The following FXR1 variants were observed in gnomAD, a reference collection of about 807,000 sequenced individuals.
FXR1 encodes the protein RNA-binding protein FXR1.
FXR1 carries 15 observed loss-of-function variants against 84.0 expected under a neutral mutation model. That is an observed-to-expected ratio of 0.18 (90% CI 0.12 to 0.27). FXR1 has a LOEUF of 0.27. Among genes scored for constraint, FXR1 ranks in the 10% least tolerant of loss-of-function variants. The pLI is 1.00. For missense variants in FXR1, 480 were observed against 774.4 expected, an observed-to-expected ratio of 0.62 and a Z score of 4.51; for synonymous variants, 245 against 250.7, an observed-to-expected ratio of 0.98 and a Z score of 0.21.
intron 1 of FXR1, among the ~76,000 whole-genome samples, chr3:180,924,478 A>T (rs1342020598): frequency 6.6e-6 from 1 of 152,172 alleles, no homozygotes; most frequent in Non-Finnish European, 1.5e-5. Flanking sequence ...TGTTAAATGG[A>T]TCATGCTGTG....
At chr3:180,930,623 C>T (rs896240601) in intron 1 of FXR1, among the ~76,000 whole-genome samples, 1 of 152,152 alleles carries the variant, frequency 6.6e-6, no homozygotes. Context: ...AGATGCTTTA[C>T]TAATATTCAT....
chr3:180,933,487 T>G, intron 2 of FXR1, 101 bp downstream of exon 2: 1 of 718,718 alleles, frequency 1.4e-6, no homozygotes, highest in Admixed American at 2.3e-5. Flanking sequence ...TGATTTTGCT[T>G]TTAGGGAGTG....
At chr3:180,949,104 G>A in intron 6 of FXR1, 123 bp from the exon 7 acceptor site, 5 of 732,266 alleles carry the variant, frequency 6.8e-6, no homozygotes, top group Non-Finnish European at 1.3e-5. Context: ...AGAGTAGTGA[G>A]TGTTAGGTGA....
rs1196733195 is a variant in FXR1 at position 180,930,261 on chromosome 3, CAAAA to C, written c.52-3064_52-3061del. Among the ~76,000 whole-genome samples, 11 of 125,088 alleles carry C rather than the reference CAAAA, an allele frequency of 8.8e-5. No homozygotes were observed. The South Asian group carries it at 2.5e-3, about 28-fold the overall frequency. 82.1% of individuals were successfully genotyped at this position (125,088 alleles called of 152,430 possible). ...CTGGCAACAGAGTGAGACTCCATCT[CAAAA>C]AAAAAAAAGAAAGTAGTTGTACAGA... On this transcript the variant is annotated intron_variant, in intron 1 of 16. Transcript: ENST00000357559.
At chr3:180,925,967 A>G (rs1422304979) in intron 1 of FXR1, among the ~76,000 whole-genome samples, 3 of 152,150 alleles carry the variant, frequency 2.0e-5, no homozygotes, top group Non-Finnish European at 4.4e-5. Flanking sequence ...CAGAGGAAAG[A>G]CCCTTCACTA....
intron 3 of FXR1, among the ~76,000 whole-genome samples, chr3:180,944,343 CAG>C (rs1381735388): frequency 6.7e-6 from 1 of 149,034 alleles, no homozygotes; most frequent in Admixed American, 6.7e-5. Flanking sequence ...TTTTTTGAGA[CAG>C]GGTCTCGCTC....
At chr3:180,956,219 C>A (rs1011520147) in intron 9 of FXR1, among the ~76,000 whole-genome samples, 1 of 152,160 alleles carries the variant, frequency 6.6e-6, no homozygotes, top group African/African-American at 2.4e-5. Flanking sequence ...GGAAAAATAT[C>A]TGAACGTTGA....
chr3:180,977,095 GGTT>G lies in FXR1; in HGVS notation c.*807_*809del, dbSNP rs570962906. On this transcript the variant is annotated 3_prime_UTR_variant, in exon 17 of 17. Coordinates refer to ENST00000357559, the MANE Select transcript of FXR1 (RefSeq NM_005087.4). ...TTTTCCTTTTTTTTTTTTTTATTTC[GGTT>G]GTTTGATGTGCAATATGTTTTTGTA... 1.1e-3 allele frequency: 158 copies of G among 143,736 alleles called. 1 individual carries two copies. The highest frequency in any genetic ancestry group is 4.0e-3 in the African/African-American group (153 of 38,172). 8.9% of individuals were successfully genotyped at this position (143,736 alleles called of 1,614,324 possible).
chr3:180,946,270 C>T (rs1347062707), intron 3 of FXR1, among the ~76,000 whole-genome samples: 1 of 152,144 alleles, frequency 6.6e-6, no homozygotes, highest in African/African-American at 2.4e-5. Context: ...TAGGTGATGC[C>T]ATCATTCCTC....
At chr3:180,915,475 A>G in intron 1 of FXR1, 5 of 1,436,862 alleles carry the variant, frequency 3.5e-6, no homozygotes, top group Non-Finnish European at 4.7e-6. Flanking sequence ...CGTAGAAGCA[A>G]TTTAATTTTA....
rs1714446273 is a variant in FXR1 at position 180,978,693 on chromosome 3, C to CGT, written c.*2401_*2402insGT. 1 of 152,002 alleles carries CGT rather than the reference C, an allele frequency of 6.6e-6. No individual in the cohort carries two copies. Among genetic ancestry groups the CGT allele is most frequent in the Non-Finnish European group, 1.5e-5 (1 of 67,976 alleles). The allele number at this position is 152,002 out of a possible 1,614,324, so 9.4% of individuals were successfully genotyped here. On this transcript the variant is annotated 3_prime_UTR_variant, in exon 17 of 17. Coordinates refer to ENST00000357559, the MANE Select transcript of FXR1 (RefSeq NM_005087.4). ...TGAACTCAGTTCTGGGCCACTGAGA[C>CGT]CCTCTTTAAAGAGAAGGAAAAAAAG...
intron 9 of FXR1, among the ~76,000 whole-genome samples, chr3:180,956,802 C>A (rs1359586798): frequency 1.3e-5 from 2 of 151,976 alleles, no homozygotes; most frequent in African/African-American, 4.8e-5. Flanking sequence ...CATTATAGTC[C>A]TTTTATTGTA....
chr3:180,931,739 GTTT>G (rs5854881), intron 1 of FXR1, among the ~76,000 whole-genome samples: 3 of 101,418 alleles, frequency 3.0e-5, no homozygotes, highest in Admixed American at 1.2e-4. Flanking sequence ...GTTGTTGTGG[GTTT>G]TTTTTTTTTT....
At chr3:180,914,780 A>G in intron 1 of FXR1, 1 of 979,384 alleles carries the variant, frequency 1.0e-6, no homozygotes, top group Non-Finnish European at 1.2e-6. Flanking sequence ...TTTGCCTCAC[A>G]AAGTGAGTTG....
At chr3:180,937,140 A>G (rs917577584) in intron 3 of FXR1, among the ~76,000 whole-genome samples, 6 of 152,100 alleles carry the variant, frequency 3.9e-5, no homozygotes, top group Non-Finnish European at 4.4e-5. Context: ...ATTCATTTTC[A>G]TTTTTCAAAA....
At chr3:180,964,024 C>G (rs1297997207) in intron 13 of FXR1, among the ~76,000 whole-genome samples, 1 of 152,148 alleles carries the variant, frequency 6.6e-6, no homozygotes, top group Non-Finnish European at 1.5e-5. Context: ...GAAGGATCAT[C>G]TAATGCTGAC....
chr3:180,972,192 A>C (rs963521350), intron 15 of FXR1, among the ~76,000 whole-genome samples: 2 of 152,176 alleles, frequency 1.3e-5, no homozygotes, highest in African/African-American at 4.8e-5. Context: ...GGCTGGGTGC[A>C]GTGGCTCATA....
chr3:180,961,417 G>C (rs1203182034), intron 10 of FXR1, 51 bp from the exon 11 acceptor site: 1 of 854,176 alleles, frequency 1.2e-6, no homozygotes, highest in Non-Finnish European at 1.9e-6. Flanking sequence ...TTTTAGGCTA[G>C]AACTTTGTTA....
intron 1 of FXR1, chr3:180,915,655 C>T (rs1366068534): frequency 2.8e-6 from 2 of 709,002 alleles, no homozygotes; most frequent in South Asian, 1.5e-5. Context: ...CCCTTTTTTC[C>T]CCTCCTCTTA....
Sources: allele counts gnomAD v4.1 joint callset (sites outside exome capture counted in the v4.1 genomes callset), GRCh38; gene constraint gnomAD v4.1.1; transcripts MANE v1.5; gene names NCBI Gene and HGNC (gene_info 2026-07-23, HGNC 2026-07-21).